The following SLC24A3 variants were observed in gnomAD, a reference collection of about 807,000 sequenced individuals.
The protein encoded by SLC24A3 is solute carrier family 24 member 3, also known as sodium/potassium/calcium exchanger 3.
A neutral mutation model predicts 75.8 loss-of-function variants in SLC24A3; 28 were observed. That is an observed-to-expected ratio of 0.37 (90% CI 0.27 to 0.51). The LOEUF (loss-of-function observed/expected upper bound fraction) is 0.51. Ranked by LOEUF, SLC24A3 falls within the 20% of genes least tolerant of loss-of-function variation. The probability of loss-of-function intolerance (pLI) is 0.94; values close to 1 mark genes in which losing one functional copy is unlikely to be tolerated. For synonymous variants in SLC24A3, 372 were observed against 334.1 expected (o/e 1.11, Z -1.24); for missense variants, 663 against 847.8 (o/e 0.78, Z 2.71).
At chr20:19,511,259 G>A (rs533600599) in intron 2 of SLC24A3, among the ~76,000 whole-genome samples, 114 of 152,126 alleles carry the variant, frequency 7.5e-4, no homozygotes, top group African/African-American at 2.7e-3. Flanking sequence ...CCCAGCCTAA[G>A]GCATGGGCAT....
At position 19,325,841 on chromosome 20, in the gene SLC24A3, G is replaced by C. The variant is rs1195155904; in HGVS notation, c.271+44754G>C. On this transcript the variant is annotated intron_variant, in intron 2 of 16. Transcript: ENST00000328041. The stretch of plus-strand genomic sequence containing the variant: ...AGAGAGAGAGAGAGAGAGAGAGAGG[G>C]AGACATCTGGAGGAGGGGGACCCAA... Among the ~76,000 whole-genome samples, 4 of 54,110 alleles carry C rather than the reference G, an allele frequency of 7.4e-5. 1 individual carries two copies. Among genetic ancestry groups the C allele is most frequent in the Non-Finnish European group, 1.4e-4 (4 of 29,144 alleles). 35.5% of individuals were successfully genotyped at this position (54,110 alleles called of 152,430 possible). A position where few individuals can be genotyped will look rare whatever the true frequency, so the allele number is the denominator to read the frequency against.
At chr20:19,386,617 T>A (rs1986277226) in intron 2 of SLC24A3, among the ~76,000 whole-genome samples, 1 of 152,218 alleles carries the variant, frequency 6.6e-6, no homozygotes, top group Non-Finnish European at 1.5e-5. Flanking sequence ...GGAGTTTTTA[T>A]TATGAAAGGA....
At chr20:19,227,152 T>A (rs551288864) in intron 1 of SLC24A3, among the ~76,000 whole-genome samples, 126 of 152,374 alleles carry the variant, frequency 8.3e-4, no homozygotes, top group African/African-American at 3.0e-3. Context: ...TATATATTTT[T>A]AATTCAATTT....
chr20:19,471,579 C>T (rs1411291865), intron 2 of SLC24A3, among the ~76,000 whole-genome samples: 1 of 152,246 alleles, frequency 6.6e-6, no homozygotes, highest in African/African-American at 2.4e-5. Context: ...CCCATAATGG[C>T]CAATGTCAAG....
chr20:19,252,973 C>T (rs1469248010), intron 1 of SLC24A3, among the ~76,000 whole-genome samples: 8 of 152,168 alleles, frequency 5.3e-5, no homozygotes, highest in Admixed American at 3.9e-4. Context: ...GCAATGGGTG[C>T]TTCGCCTGTT....
At chr20:19,422,585 G>T (rs1245408319) in intron 2 of SLC24A3, among the ~76,000 whole-genome samples, 5 of 152,120 alleles carry the variant, frequency 3.3e-5, no homozygotes, top group Non-Finnish European at 7.4e-5. Flanking sequence ...TGCACATTAA[G>T]GTCACCTGGA....
Position 19,220,528 on chromosome 20 carries a change from A to G in SLC24A3, c.142+7544A>G, listed in dbSNP as rs114592556. On this transcript the variant is annotated intron_variant, in intron 1 of 16. Transcript: ENST00000328041. The stretch of plus-strand genomic sequence containing the variant: ...GATTGGTGACCTCAGGAAGTCGATA[A>G]TGCCATGTTTAAGACAGAACATGAA... 8.6e-3 allele frequency among the ~76,000 whole-genome samples: 1,305 copies of G among 152,332 alleles called. 19 individuals carry two copies. The highest frequency in any genetic ancestry group is 0.029 in the African/African-American group (1,188 of 41,572).
chr20:19,612,456 A>ATG (rs1372045466), intron 6 of SLC24A3, among the ~76,000 whole-genome samples: 1 of 152,198 alleles, frequency 6.6e-6, no homozygotes. Flanking sequence ...GTTCAAGGTG[A>ATG]TGGATCTGCT....
chr20:19,531,546 C>T (rs2030299368), intron 3 of SLC24A3, among the ~76,000 whole-genome samples: 2 of 152,118 alleles, frequency 1.3e-5, no homozygotes, highest in Non-Finnish European at 2.9e-5. Flanking sequence ...TACAATCCTC[C>T]CTATTTTATA....
chr20:19,326,113 G>A (rs573531831), intron 2 of SLC24A3, among the ~76,000 whole-genome samples: 6 of 152,094 alleles, frequency 3.9e-5, no homozygotes, highest in East Asian at 1.9e-4. Context: ...CTCTCTGAGT[G>A]TGTTGTTCTG....
chr20:19,404,592 T>G (rs1600467246), intron 2 of SLC24A3, among the ~76,000 whole-genome samples: 2 of 152,226 alleles, frequency 1.3e-5, no homozygotes, highest in South Asian at 4.1e-4. Flanking sequence ...CGCACCTAGC[T>G]GATGATTTGG....
intron 3 of SLC24A3, among the ~76,000 whole-genome samples, chr20:19,572,134 C>T (rs2031062089): frequency 6.6e-6 from 1 of 152,140 alleles, no homozygotes; most frequent in African/African-American, 2.4e-5. Flanking sequence ...TCCAGGAATT[C>T]AACACCAGCC....
chr20:19,494,194 C>A (rs1023003643), intron 2 of SLC24A3, among the ~76,000 whole-genome samples: 8 of 152,208 alleles, frequency 5.3e-5, no homozygotes, highest in African/African-American at 1.4e-4. Flanking sequence ...CCTGGGTTTG[C>A]CCATCTATAG....
intron 15 of SLC24A3, among the ~76,000 whole-genome samples, chr20:19,710,418 AC>A (rs2032975529): frequency 6.6e-6 from 1 of 152,238 alleles, no homozygotes; most frequent in Non-Finnish European, 1.5e-5. Flanking sequence ...ATCCCTGTTG[AC>A]TTTGGAACTA....
intron 2 of SLC24A3, among the ~76,000 whole-genome samples, chr20:19,500,373 T>A (rs548420152): frequency 6.6e-6 from 1 of 152,324 alleles, no homozygotes; most frequent in African/African-American, 2.4e-5. Context: ...TATCTTCAGA[T>A]TCAAAAGCAG....
intron 15 of SLC24A3, among the ~76,000 whole-genome samples, chr20:19,700,643 C>A (rs2032859854): frequency 6.6e-6 from 1 of 152,186 alleles, no homozygotes; most frequent in Non-Finnish European, 1.5e-5. Flanking sequence ...GCATATTTTT[C>A]TTTCTCTAGG....
At chr20:19,350,444 G>A (rs1271028183) in intron 2 of SLC24A3, among the ~76,000 whole-genome samples, 2 of 151,978 alleles carry the variant, frequency 1.3e-5, no homozygotes, top group East Asian at 1.9e-4. Flanking sequence ...AAACATTAAG[G>A]TATTTTCTTT....
chr20:19,489,219 T>C (rs538073812), intron 2 of SLC24A3, among the ~76,000 whole-genome samples: 1 of 152,324 alleles, frequency 6.6e-6, no homozygotes, highest in South Asian at 2.1e-4. Flanking sequence ...TCTCAATCCC[T>C]ATCACAGGGA....
At chr20:19,498,752 C>A (rs1463913498) in intron 2 of SLC24A3, among the ~76,000 whole-genome samples, 1 of 152,202 alleles carries the variant, frequency 6.6e-6, no homozygotes, top group East Asian at 1.9e-4. Context: ...TGTCCTCCCC[C>A]ACCAAAAATG....
Sources: allele counts gnomAD v4.1 joint callset (sites outside exome capture counted in the v4.1 genomes callset), GRCh38; gene constraint gnomAD v4.1.1; transcripts MANE v1.5; gene names NCBI Gene and HGNC (gene_info 2026-07-23, HGNC 2026-07-21).